Variants in CDYL observed in about 807,000 individuals in gnomAD.
CDYL encodes the protein chromodomain Y like, also known as chromodomain Y-like protein.
CDYL carries 8 observed loss-of-function variants against 47.3 expected under a neutral mutation model. The observed-to-expected ratio is 0.17, with a 90% confidence interval of 0.10 to 0.31. The LOEUF (loss-of-function observed/expected upper bound fraction) is 0.31, where lower values mean the gene tolerates loss of function less well. Ranked by LOEUF, CDYL falls within the 10% of genes least tolerant of loss-of-function variation. The pLI is 1.00. For missense variants in CDYL, 471 were observed against 701.4 expected (o/e 0.67, Z 3.71); for synonymous variants, 266 against 265.0 (o/e 1.00, Z -0.04).
chr6:4,894,834 C>CGTGTGT lies in CDYL; in HGVS notation c.691+2472_691+2477dup, dbSNP rs71540834. ...AGCCCCCTTTTTTGTCCACAAAAGT[C>CGTGTGT]GTGTGTGTGTGTGTGTGTGTGTATA... On this transcript the variant is annotated intron_variant, in intron 2 of 6. Transcript: ENST00000397588. Among the ~76,000 whole-genome samples the CGTGTGT allele has an allele frequency of 6.5e-3, 952 of 145,414 alleles. 10 individuals are homozygous for CGTGTGT. The highest frequency in any genetic ancestry group is 0.017 in the Middle Eastern group (5 of 290).
chr6:4,784,830 G>A (rs550365391), intron 1 of CDYL, among the ~76,000 whole-genome samples: 17 of 152,168 alleles, frequency 1.1e-4, no homozygotes, highest in African/African-American at 3.9e-4. Context: ...TGAATCGTGG[G>A]GTGGATCTTT....
intron 1 of CDYL, among the ~76,000 whole-genome samples, chr6:4,797,984 T>G (rs73362537): frequency 0.036 from 5,494 of 152,176 alleles, 336 homozygotes; most frequent in African/African-American, 0.13. Flanking sequence ...TTTTCTTCCT[T>G]TTTTTGGAGA....
chr6:4,823,672 T>C (rs1759901630), intron 1 of CDYL, among the ~76,000 whole-genome samples: 1 of 152,248 alleles, frequency 6.6e-6, no homozygotes, highest in South Asian at 2.1e-4. Flanking sequence ...TAATCCAATG[T>C]TGTATTTGTA....
chr6:4,874,171 A>G (rs915421305), intron 1 of CDYL, among the ~76,000 whole-genome samples: 12 of 152,006 alleles, frequency 7.9e-5, no homozygotes, highest in Non-Finnish European at 1.5e-4. Flanking sequence ...AACGTTACTC[A>G]TATTTATTGG....
At chr6:4,838,762 A>G (rs1007683893) in intron 1 of CDYL, among the ~76,000 whole-genome samples, 3 of 151,778 alleles carry the variant, frequency 2.0e-5, no homozygotes, top group African/African-American at 7.3e-5. Flanking sequence ...TCTCAGCTCA[A>G]TGCAGCCTCC....
intron 1 of CDYL, among the ~76,000 whole-genome samples, chr6:4,846,285 G>A (rs1760654670): frequency 6.6e-6 from 1 of 151,948 alleles, no homozygotes; most frequent in Non-Finnish European, 1.5e-5. Context: ...CACGGCAAAT[G>A]TGGAGACATG....
chr6:4,731,224 G>A lies in CDYL; in HGVS notation c.104-3538G>A, dbSNP rs1007829404. On this transcript the variant is annotated intron_variant, in intron 2 of 8. Coordinates refer to the CDYL transcript ENST00000328908. The stretch of plus-strand genomic sequence containing the variant: ...AACACCTTCAGCTTATATAAATCTC[G>A]TAGCTAACTGAAGCCTCCAGGTTTT... Among the ~76,000 whole-genome samples, 7 of 152,198 alleles carry A rather than the reference G, an allele frequency of 4.6e-5. No individual in the cohort carries two copies. In the South Asian group the frequency reaches 6.2e-4, roughly 14 times the overall value.
At position 4,730,674 on chromosome 6, in the gene CDYL, CAAA is replaced by C. The variant is rs56956798; in HGVS notation, c.104-4064_104-4062del. On this transcript the variant is annotated intron_variant, in intron 2 of 8. Coordinates refer to the CDYL transcript ENST00000328908. ...GGGCAACAAGAGCGAAATTCCATCT[CAAA>C]AAAAAAAAAAAAAAAAAAAAAAAGA... is the stretch of plus-strand genomic sequence containing the variant. Among the ~76,000 whole-genome samples the C allele has an allele frequency of 6.5e-3, 395 of 60,364 alleles. 2 individuals carry two copies. The highest frequency in any genetic ancestry group is 0.018 in the African/African-American group (367 of 20,624). The allele number at this position is 60,364 out of a possible 152,430, so 39.6% of individuals were successfully genotyped here.
intron 1 of CDYL, among the ~76,000 whole-genome samples, chr6:4,711,152 C>A (rs1422708395): frequency 6.6e-6 from 1 of 152,174 alleles, no homozygotes; most frequent in East Asian, 1.9e-4. Context: ...TCACAAATAC[C>A]CTGAGAACAG....
At chr6:4,821,257 A>ATTT (rs1561653727) in intron 1 of CDYL, among the ~76,000 whole-genome samples, 2 of 125,480 alleles carry the variant, frequency 1.6e-5, no homozygotes, top group African/African-American at 3.2e-5. Flanking sequence ...TCATATGGGA[A>ATTT]TTCTTTTTTT....
In CDYL at chr6:4,764,675, G is replaced by A. The variant is rs545212982; in HGVS notation, c.186+29831G>A. 8.1e-4 allele frequency among the ~76,000 whole-genome samples: 124 copies of A among 152,266 alleles called. No individual in the cohort carries two copies. In the East Asian group the frequency reaches 0.015, roughly 18 times the overall value. On this transcript the variant is annotated intron_variant, in intron 3 of 8. Coordinates refer to the CDYL transcript ENST00000328908. ...GACAAAATGCTTCCTTCACCAGATA[G>A]ATTATAACAATTTTAAACTTGTATG...
At chr6:4,838,201 G>C (rs1303297913) in intron 1 of CDYL, among the ~76,000 whole-genome samples, 1 of 152,008 alleles carries the variant, frequency 6.6e-6, no homozygotes, top group African/African-American at 2.4e-5. Flanking sequence ...GGTGGTGTTT[G>C]GTTACATGAA....
In CDYL at chr6:4,955,014, ATATTT is replaced by A. The variant is rs1404513830; in HGVS notation, c.*964_*968del. 1 of 152,596 alleles carries A rather than the reference ATATTT, an allele frequency of 6.6e-6. No homozygotes were observed. The highest frequency in any genetic ancestry group is 6.5e-5 in the Admixed American group (1 of 15,288). The allele number at this position is 152,596 out of a possible 1,614,324, so 9.5% of individuals were successfully genotyped here. A position where few individuals can be genotyped will look rare whatever the true frequency, so the allele number is the denominator to read the frequency against. On this transcript the variant is annotated 3_prime_UTR_variant, in exon 7 of 7. Transcript: ENST00000397588. ...TGTAATTTTTAGGTTCACTTAGAATATATTTTATTTAATAAGTTAAAATTCTTTTG... is the reference window on the plus strand; with the variant it reads ...TGTAATTTTTAGGTTCACTTAGAATATATTTAATAAGTTAAAATTCTTTTG...
At chr6:4,835,557 C>G (rs1003892376) in intron 1 of CDYL, among the ~76,000 whole-genome samples, 9 of 152,232 alleles carry the variant, frequency 5.9e-5, no homozygotes, top group African/African-American at 2.2e-4. Flanking sequence ...TCTGCCAGTT[C>G]TCAGATCTCC....
chr6:4,745,892 G>A (rs972011378), intron 3 of CDYL, among the ~76,000 whole-genome samples: 1 of 152,342 alleles, frequency 6.6e-6, no homozygotes, highest in African/African-American at 2.4e-5. Flanking sequence ...CAAGCCCAGA[G>A]CAGGAGAAAG....
intron 1 of CDYL, among the ~76,000 whole-genome samples, chr6:4,880,058 C>G (rs544405262): frequency 1.3e-5 from 2 of 152,124 alleles, no homozygotes; most frequent in South Asian, 4.1e-4. Flanking sequence ...ACCCCAAGTC[C>G]TTAGTTTACA....
chr6:4,882,529 C>T (rs1761791294), intron 1 of CDYL, among the ~76,000 whole-genome samples: 1 of 152,076 alleles, frequency 6.6e-6, no homozygotes, highest in Non-Finnish European at 1.5e-5. Context: ...TGATAACCAC[C>T]AGGGGTGGAA....
intron 2 of CDYL, among the ~76,000 whole-genome samples, chr6:4,910,392 A>G (rs889257878): frequency 6.6e-6 from 1 of 152,174 alleles, no homozygotes; most frequent in African/African-American, 2.4e-5. Flanking sequence ...ATGAATGAGT[A>G]CTCTGCCTTT....
intron 1 of CDYL, among the ~76,000 whole-genome samples, chr6:4,812,636 A>T (rs1056247890): frequency 6.6e-6 from 1 of 152,178 alleles, no homozygotes; most frequent in Non-Finnish European, 1.5e-5. Flanking sequence ...CTTCAAAATT[A>T]TATTGGCTTT....
Sources: allele counts gnomAD v4.1 joint callset (sites outside exome capture counted in the v4.1 genomes callset), GRCh38; gene constraint gnomAD v4.1.1; transcripts MANE v1.5; gene names NCBI Gene and HGNC (gene_info 2026-07-23, HGNC 2026-07-21).